Variants in TMEM45A observed in about 807,000 individuals in gnomAD.
The protein encoded by TMEM45A is transmembrane protein 45A.
Under a neutral mutation model 32.0 loss-of-function variants are expected in TMEM45A, and 25 were observed. That is an observed-to-expected ratio of 0.78 (90% CI 0.57 to 1.09). The LOEUF is 1.09. Ranked by LOEUF, TMEM45A falls within the 50% of genes least tolerant of loss-of-function variation. TMEM45A has a pLI of 0.00. For missense variants in TMEM45A, 302 were observed against 325.0 expected (o/e 0.93, Z 0.54); for synonymous variants, 122 against 114.8 (o/e 1.06, Z -0.40).
At chr3:100,514,103 C>T (rs1259129983) in intron 1 of TMEM45A, among the ~76,000 whole-genome samples, 1 of 152,186 alleles carries the variant, frequency 6.6e-6, no homozygotes, top group Non-Finnish European at 1.5e-5. Context: ...CAATGACTTT[C>T]TTCACAGAAT....
At chr3:100,554,164 T>C (rs186534030) in intron 1 of TMEM45A, among the ~76,000 whole-genome samples, 1 of 152,028 alleles carries the variant, frequency 6.6e-6, no homozygotes, top group Non-Finnish European at 1.5e-5. Flanking sequence ...AATTAAAAAC[T>C]CACATAATTC....
intron 1 of TMEM45A, among the ~76,000 whole-genome samples, chr3:100,511,236 AC>A (rs1708155161): frequency 6.6e-6 from 1 of 152,180 alleles, no homozygotes; most frequent in Admixed American, 6.5e-5. Flanking sequence ...AGGTTGGGTT[AC>A]CCTCAAAGGG....
intron 1 of TMEM45A, among the ~76,000 whole-genome samples, chr3:100,554,870 C>T (rs1274982803): frequency 6.6e-6 from 1 of 152,134 alleles, no homozygotes. Flanking sequence ...AGTGGTCTAA[C>T]CTCTCTAAAT....
chr3:100,524,692 G>A (rs935001750), intron 1 of TMEM45A, among the ~76,000 whole-genome samples: 2 of 152,190 alleles, frequency 1.3e-5, no homozygotes, highest in African/African-American at 4.8e-5. Context: ...CCTATGCGCA[G>A]GAGACTAGAG....
chr3:100,557,944 G>C (rs2148984116), intron 3 of TMEM45A, among the ~76,000 whole-genome samples: 1 of 152,292 alleles, frequency 6.6e-6, no homozygotes, highest in East Asian at 1.9e-4. Context: ...AATTCCTTAA[G>C]GCGATGCTTT....
intron 1 of TMEM45A, among the ~76,000 whole-genome samples, chr3:100,534,922 T>C (rs1427554226): frequency 6.6e-6 from 1 of 151,568 alleles, no homozygotes; most frequent in Non-Finnish European, 1.5e-5. Context: ...ACCTCACAGA[T>C]GCACTCCCTG....
At chr3:100,510,586 G>A (rs1410651407) in intron 1 of TMEM45A, among the ~76,000 whole-genome samples, 2 of 152,210 alleles carry the variant, frequency 1.3e-5, no homozygotes, top group African/African-American at 4.8e-5. Context: ...AGGAACGCAC[G>A]CAGTTCCTCA....
chr3:100,568,788 T>C (rs569093561), intron 4 of TMEM45A, 34 bp from the exon 5 acceptor site: 1 of 1,570,296 alleles, frequency 6.4e-7, no homozygotes, highest in East Asian at 2.3e-5. Context: ...TGTGATTGGT[T>C]ATTTTAATAT....
intron 1 of TMEM45A, among the ~76,000 whole-genome samples, chr3:100,501,894 A>G (rs1708012585): frequency 6.6e-6 from 1 of 152,222 alleles, no homozygotes; most frequent in South Asian, 2.1e-4. Flanking sequence ...TCTCGGACTC[A>G]GAGTTGACCA....
intron 1 of TMEM45A, among the ~76,000 whole-genome samples, chr3:100,515,090 C>G (rs1708237481): frequency 6.8e-6 from 1 of 148,102 alleles, no homozygotes; most frequent in Non-Finnish European, 1.5e-5. Context: ...GGATCTAGAA[C>G]TAGAAATACC....
Position 100,568,838 on chromosome 3 carries a change from A to G in TMEM45A, c.605A>G (p.Tyr202Cys). ...SWFFQIGFVL[Y>C]PPSGGPAWDL... Reference sequence around the variant, plus strand: ...AAATTACAGATTGGATTTGTCCTGTATCCCCCCAGTGGAGGTCCTGCATGG... The same window carrying G: ...AAATTACAGATTGGATTTGTCCTGTGTCCCCCCAGTGGAGGTCCTGCATGG... The change falls in exon 5 of 6, where the codon TAT (tyrosine) becomes TGT (cysteine). Residue 202 changes from tyrosine to cysteine, a missense_variant. Transcript: ENST00000323523. 2 of 1,612,232 alleles carry G rather than the reference A, an allele frequency of 1.2e-6. No homozygotes were observed. The highest frequency in any genetic ancestry group is 1.7e-6 in the Non-Finnish European group (2 of 1,178,690).
intron 1 of TMEM45A, among the ~76,000 whole-genome samples, chr3:100,545,760 G>T (rs535795581): frequency 6.6e-6 from 1 of 152,146 alleles, no homozygotes; most frequent in South Asian, 2.1e-4. Context: ...TGTCTTCTTT[G>T]TTCTGCCAGA....
rs75548155 is a variant in TMEM45A at position 100,498,210 on chromosome 3, C to A, written c.-4+5282C>A. 8.6e-3 allele frequency among the ~76,000 whole-genome samples: 1,310 copies of A among 152,296 alleles called. 23 individuals are homozygous for A. The highest frequency in any genetic ancestry group is 0.03 in the African/African-American group (1,247 of 41,542). On this transcript the variant is annotated intron_variant, in intron 1 of 5. Coordinates refer to ENST00000323523, the MANE Select transcript of TMEM45A (RefSeq NM_018004.3). ...CCATGATTGTAAGTTTCCTAAGCCT[C>A]CCCAGCCATGTGGAACTGTGAGTCA...
intron 1 of TMEM45A, among the ~76,000 whole-genome samples, chr3:100,493,438 A>G (rs1387458184): frequency 6.6e-6 from 1 of 151,948 alleles, no homozygotes; most frequent in Non-Finnish European, 1.5e-5. Context: ...TGGATTTTTC[A>G]CTTAAATCTG....
At chr3:100,531,298 GTA>G (rs978855742) in intron 1 of TMEM45A, among the ~76,000 whole-genome samples, 9 of 152,226 alleles carry the variant, frequency 5.9e-5, no homozygotes, top group Non-Finnish European at 8.8e-5. Flanking sequence ...CTGCGTGAGT[GTA>G]TGTGTGTGTG....
intron 1 of TMEM45A, among the ~76,000 whole-genome samples, chr3:100,543,107 T>G (rs1705919285): frequency 6.6e-6 from 1 of 152,238 alleles, no homozygotes; most frequent in Non-Finnish European, 1.5e-5. Context: ...TGTTTTGCAA[T>G]TTGCATTTCT....
intron 1 of TMEM45A, among the ~76,000 whole-genome samples, chr3:100,503,645 T>C (rs1380731268): frequency 6.6e-6 from 1 of 152,232 alleles, no homozygotes; most frequent in African/African-American, 2.4e-5. Context: ...CAGAAGTGAG[T>C]GATTCTGTGA....
chr3:100,573,816 T>A (rs1380322197), intron 5 of TMEM45A: 1 of 152,238 alleles, frequency 6.6e-6, no homozygotes, highest in Non-Finnish European at 1.5e-5. Flanking sequence ...TGAAGGGTTG[T>A]TGAATTTTGT....
At chr3:100,568,346 G>T (rs113719747) in intron 4 of TMEM45A, among the ~76,000 whole-genome samples, 146 of 152,080 alleles carry the variant, frequency 9.6e-4, no homozygotes, top group African/African-American at 3.1e-3. Flanking sequence ...TAACTTAATT[G>T]CTCTAGCTAA....
Sources: allele counts gnomAD v4.1 joint callset (sites outside exome capture counted in the v4.1 genomes callset), GRCh38; gene constraint gnomAD v4.1.1; transcripts MANE v1.5; gene names NCBI Gene and HGNC (gene_info 2026-07-23, HGNC 2026-07-21).